FNDC3B: variants seen among roughly 807,000 people sequenced by gnomAD.
FNDC3B encodes fibronectin type III domain-containing protein 3B.
A neutral mutation model predicts 151.5 loss-of-function variants in FNDC3B; 12 were observed. That is an observed-to-expected ratio of 0.08 (90% CI 0.05 to 0.13). The LOEUF is 0.13. Among genes scored for constraint, FNDC3B ranks in the 10% least tolerant of loss-of-function variants. The pLI is 1.00. For missense variants in FNDC3B, 1,214 were observed against 1,505.3 expected (o/e 0.81, Z 3.20); for synonymous variants, 528 against 549.0 (o/e 0.96, Z 0.54).
At chr3:172,397,068 A>C (rs1736327077) in intron 25 of FNDC3B, 96 bp from the exon 26 acceptor site, 1 of 934,586 alleles carries the variant, frequency 1.1e-6, no homozygotes, top group Non-Finnish European at 1.6e-6. Flanking sequence ...ATGTGAATAT[A>C]AACCAAGAGT....
chr3:172,330,447 G>A (rs1732586650), intron 12 of FNDC3B, 94 bp from the exon 13 acceptor site: 1 of 1,099,832 alleles, frequency 9.1e-7, no homozygotes, highest in South Asian at 1.6e-5. Context: ...CTGCTAGGCT[G>A]AGTTGGGTAG....
chr3:172,257,023 C>G (rs1397051273), intron 6 of FNDC3B, among the ~76,000 whole-genome samples: 1 of 152,128 alleles, frequency 6.6e-6, no homozygotes, highest in East Asian at 1.9e-4. Flanking sequence ...CTCCACCTCC[C>G]AGGTTATAAG....
chr3:172,217,662 C>A (rs62281777), intron 3 of FNDC3B, among the ~76,000 whole-genome samples: 8 of 149,720 alleles, frequency 5.3e-5, no homozygotes, highest in African/African-American at 2.0e-4. Flanking sequence ...TTTTTAAAAC[C>A]ATTTAAGCCT....
At chr3:172,208,710 T>C (rs116565008) in intron 3 of FNDC3B, among the ~76,000 whole-genome samples, 2 of 87,220 alleles carry the variant, frequency 2.3e-5, no homozygotes, top group Non-Finnish European at 4.7e-5. Flanking sequence ...CTTCTGGGCT[T>C]CTTCTGCCCA....
chr3:172,143,123 G>C (rs974757375), intron 3 of FNDC3B, among the ~76,000 whole-genome samples: 2 of 152,150 alleles, frequency 1.3e-5, no homozygotes, highest in Non-Finnish European at 2.9e-5. Context: ...CAAACATTCA[G>C]ACAGTGATAG....
chr3:172,300,815 C>T (rs988745126), intron 9 of FNDC3B, among the ~76,000 whole-genome samples: 1 of 152,298 alleles, frequency 6.6e-6, no homozygotes, highest in Non-Finnish European at 1.5e-5. Flanking sequence ...ATTTTTTTAA[C>T]ATCCTTTCTC....
chr3:172,343,283 T>C (rs1438890180), intron 18 of FNDC3B, among the ~76,000 whole-genome samples, 167 bp downstream of exon 18: 1 of 152,202 alleles, frequency 6.6e-6, no homozygotes, highest in Admixed American at 6.5e-5. Context: ...GTTTTTTATG[T>C]GTGTCATTCC....
At chr3:172,154,866 G>T (rs1019230844) in intron 3 of FNDC3B, among the ~76,000 whole-genome samples, 11 of 152,046 alleles carry the variant, frequency 7.2e-5, no homozygotes, top group African/African-American at 2.7e-4. Flanking sequence ...TCCAGGAGCT[G>T]CTGTAATGGC....
chr3:172,188,972 T>A (rs1055536647), intron 3 of FNDC3B, among the ~76,000 whole-genome samples: 1 of 152,210 alleles, frequency 6.6e-6, no homozygotes, highest in Non-Finnish European at 1.5e-5. Flanking sequence ...TTGGGTGTTT[T>A]CCTCACTATG....
intron 9 of FNDC3B, among the ~76,000 whole-genome samples, chr3:172,304,704 C>T (rs1445086747): frequency 6.6e-6 from 1 of 152,160 alleles, no homozygotes; most frequent in Non-Finnish European, 1.5e-5. Context: ...CAAGACCAGC[C>T]TGGCCAACGT....
In FNDC3B at chr3:172,092,698, A is replaced by T. The variant is rs190708853; in HGVS notation, c.-28-19754A>T. On this transcript the variant is annotated intron_variant, in intron 1 of 25. Transcript: ENST00000415807. ...CAGAACTGTGGGTGTCCTGGAAAAG[A>T]GGAGGAGAGAATAGCAAGAGCAAAA... 2.8e-3 allele frequency among the ~76,000 whole-genome samples: 428 copies of T among 152,374 alleles called. 7 individuals carry two copies. Among genetic ancestry groups the T allele is most frequent in the Non-Finnish European group, 4.7e-4 (32 of 68,036 alleles).
At chr3:172,050,770 AGT>A (rs1285827345) in intron 1 of FNDC3B, among the ~76,000 whole-genome samples, 2 of 150,758 alleles carry the variant, frequency 1.3e-5, no homozygotes, top group Non-Finnish European at 3.0e-5. Context: ...CTCTTTATAT[AGT>A]GTGTGTGTAT....
chr3:172,252,391 A>G (rs1032982948), intron 6 of FNDC3B, among the ~76,000 whole-genome samples: 2 of 152,014 alleles, frequency 1.3e-5, no homozygotes, highest in African/African-American at 4.8e-5. Context: ...TATTTCAAGT[A>G]GATTCCCTTT....
intron 23 of FNDC3B, 137 bp from the exon 24 acceptor site, chr3:172,378,133 C>T: frequency 1.6e-6 from 1 of 619,876 alleles, no homozygotes; most frequent in Non-Finnish European, 2.7e-6. Context: ...AATGTAGCAA[C>T]TGGCTGATTA....
chr3:172,291,315 A>G (rs1730326502), intron 7 of FNDC3B, among the ~76,000 whole-genome samples: 1 of 152,236 alleles, frequency 6.6e-6, no homozygotes, highest in Non-Finnish European at 1.5e-5. Flanking sequence ...AGTAGGAAGT[A>G]ATTTTATGAG....
At chr3:172,041,383 CTTTT>C (rs57422289) in intron 1 of FNDC3B, among the ~76,000 whole-genome samples, 1 of 137,994 alleles carries the variant, frequency 7.2e-6, no homozygotes, top group African/African-American at 2.6e-5. Flanking sequence ...TTCTTTCTTT[CTTTT>C]TCTTTCTTTC....
chr3:172,266,755 TCTCTGC>T (rs1368918353), intron 6 of FNDC3B, among the ~76,000 whole-genome samples: 3 of 152,222 alleles, frequency 2.0e-5, no homozygotes, highest in Non-Finnish European at 2.9e-5. Context: ...TCTTCCTCTG[TCTCTGC>T]CTTATAAGAA....
chr3:172,373,527 C>T (rs1401377112), intron 23 of FNDC3B, among the ~76,000 whole-genome samples: 1 of 152,224 alleles, frequency 6.6e-6, no homozygotes, highest in African/African-American at 2.4e-5. Context: ...GTGTAGTCTT[C>T]AATCATTGTG....
At chr3:172,044,283 CTTT>C (rs767357950) in intron 1 of FNDC3B, among the ~76,000 whole-genome samples, 7 of 110,382 alleles carry the variant, frequency 6.3e-5, no homozygotes, top group South Asian at 2.8e-4. Context: ...AATTCCAACT[CTTT>C]TTTTTTTTTT....
Sources: allele counts gnomAD v4.1 joint callset (sites outside exome capture counted in the v4.1 genomes callset), GRCh38; gene constraint gnomAD v4.1.1; transcripts MANE v1.5; gene names NCBI Gene and HGNC (gene_info 2026-07-23, HGNC 2026-07-21).